Variants in DLGAP4 observed in about 807,000 individuals in gnomAD.
The protein encoded by DLGAP4 is disks large-associated protein 4.
DLGAP4 carries 18 observed loss-of-function variants against 86.9 expected under a neutral mutation model. That is an observed-to-expected ratio of 0.21 (90% CI 0.14 to 0.31). The LOEUF (loss-of-function observed/expected upper bound fraction) is 0.31. Among genes scored for constraint, DLGAP4 ranks in the 10% least tolerant of loss-of-function variants. The pLI, the probability that DLGAP4 is intolerant of heterozygous loss-of-function variation, is 1.00. For missense variants in DLGAP4, 1,085 were observed against 1,362.6 expected, an observed-to-expected ratio of 0.80 and a Z score of 3.21; for synonymous variants, 548 against 574.3, an observed-to-expected ratio of 0.95 and a Z score of 0.65.
At chr20:36,511,848 C>A (rs1311506116) in intron 10 of DLGAP4, among the ~76,000 whole-genome samples, 1 of 145,530 alleles carries the variant, frequency 6.9e-6, no homozygotes, top group Non-Finnish European at 1.5e-5. Flanking sequence ...GCGCTCCAGC[C>A]TGGGCGACAG....
chr20:36,363,188 G>A (rs59958893), intron 1 of DLGAP4, among the ~76,000 whole-genome samples: 5,066 of 152,260 alleles, frequency 0.033, 272 homozygotes, highest in African/African-American at 0.12. Context: ...GCACGTGCCT[G>A]GTATATTTGA....
rs1007273669 is a variant in DLGAP4 at position 36,527,270 on chromosome 20, T to G, written c.*239T>G. The G allele has an allele frequency of 2.4e-6, 1 of 416,404 alleles. No individual in the cohort carries two copies. Among genetic ancestry groups the G allele is most frequent in the African/African-American group, 2.0e-5 (1 of 49,704 alleles). The allele number at this position is 416,404 out of a possible 1,614,324, so 25.8% of individuals were successfully genotyped here. On this transcript the variant is annotated 3_prime_UTR_variant, in exon 13 of 13. Coordinates refer to ENST00000339266, the MANE Select transcript of DLGAP4 (RefSeq NM_001365621.2). ...AAAAATCACGAAACTAGAAAACTTT[T>G]TTTTTCCTCTTGCTGGCCGTGGTGG...
chr20:36,513,901 T>A (rs149336777), intron 10 of DLGAP4, among the ~76,000 whole-genome samples: 2 of 152,312 alleles, frequency 1.3e-5, no homozygotes, highest in East Asian at 3.9e-4. Flanking sequence ...AAATTTGATA[T>A]GCTTTGTTAG....
chr20:36,362,360 T>TGGTC (rs1415847148), intron 1 of DLGAP4, among the ~76,000 whole-genome samples: 1 of 152,172 alleles, frequency 6.6e-6, no homozygotes, highest in Non-Finnish European at 1.5e-5. Context: ...CCTGGCTTCT[T>TGGTC]GGTCGCCTGA....
intron 7 of DLGAP4, among the ~76,000 whole-genome samples, chr20:36,457,972 T>G (rs1047468876): frequency 6.6e-6 from 1 of 151,750 alleles, no homozygotes; most frequent in African/African-American, 2.4e-5. Flanking sequence ...TAAGCAGTGC[T>G]GGGAAGCGCT....
At chr20:36,509,510 G>A (rs1235683453) in intron 10 of DLGAP4, among the ~76,000 whole-genome samples, 1 of 151,906 alleles carries the variant, frequency 6.6e-6, no homozygotes, top group Non-Finnish European at 1.5e-5. Flanking sequence ...GGCAGAGGTT[G>A]CACTGAGCCG....
At chr20:36,476,155 A>C (rs929761436) in intron 7 of DLGAP4, among the ~76,000 whole-genome samples, 1 of 151,378 alleles carries the variant, frequency 6.6e-6, no homozygotes, top group Non-Finnish European at 1.5e-5. Context: ...GGCCCTTCTT[A>C]ACCATTTTTA....
chr20:36,525,686 A>G, intron 11 of DLGAP4, 165 bp from the exon 12 acceptor site: 1 of 905,452 alleles, frequency 1.1e-6, no homozygotes, highest in Non-Finnish European at 1.6e-6. Flanking sequence ...GGTGCTGACC[A>G]GAACTGGCTT....
At chr20:36,437,815 G>A (rs2033331082) in intron 4 of DLGAP4, among the ~76,000 whole-genome samples, 1 of 152,184 alleles carries the variant, frequency 6.6e-6, no homozygotes, top group Non-Finnish European at 1.5e-5. Flanking sequence ...CTAGTTGACT[G>A]GGCAGAAGAT....
chr20:36,513,911 G>C (rs1014483859), intron 10 of DLGAP4, among the ~76,000 whole-genome samples: 1 of 152,196 alleles, frequency 6.6e-6, no homozygotes, highest in African/African-American at 2.4e-5. Context: ...TGCTTTGTTA[G>C]ACATCAGAAT....
At chr20:36,519,459 C>A (rs2147848956) in intron 10 of DLGAP4, among the ~76,000 whole-genome samples, 1 of 152,262 alleles carries the variant, frequency 6.6e-6, no homozygotes, top group South Asian at 2.1e-4. Context: ...TGCATGTACA[C>A]ACAGATTTTC....
intron 2 of DLGAP4, among the ~76,000 whole-genome samples, chr20:36,401,429 C>A (rs1397916739): frequency 6.6e-6 from 1 of 152,200 alleles, no homozygotes; most frequent in South Asian, 2.1e-4. Flanking sequence ...GTCTTTGCCA[C>A]GTGCTGCTGC....
chr20:36,500,302 G>T lies in DLGAP4; in HGVS notation c.2203G>T (p.Asp735Tyr), dbSNP rs1600662719. 6.2e-7 allele frequency: 1 copy of T among 1,613,986 alleles called. No homozygotes were observed. The highest frequency in any genetic ancestry group is 8.5e-7 in the Non-Finnish European group (1 of 1,179,924). Reference protein sequence around the residue: ...SCKSSERSLPDCTPHPNSISI... With the variant: ...SCKSSERSLPYCTPHPNSISI... ...TAAGTCATCTGAGAGGAGCCTCCCG[G>T]ACTGTACCCCTCACCCCAACTCCAT... is the stretch of plus-strand genomic sequence containing the variant. The change falls in exon 10 of 13, where the codon GAC (aspartate) becomes TAC (tyrosine). Residue 735 changes from aspartate to tyrosine, a missense_variant. Physicochemically the swap from Asp to Tyr is radical, Grantham distance 160. Around this residue, in one of 2 missense-constraint regions of DLGAP4, gnomAD observed 1,082 missense variants for 1,344.1 expected, o/e 0.81. Transcript: ENST00000339266. This position sits in a 1 kb window ranked among gnomAD's most constrained non-coding sequence, Gnocchi z 4.6.
intron 6 of DLGAP4, 149 bp from the exon 7 acceptor site, chr20:36,446,548 C>T: frequency 1.4e-6 from 1 of 690,504 alleles, no homozygotes; most frequent in Non-Finnish European, 2.4e-6. Flanking sequence ...TCCATCTCCC[C>T]ATCCCATACG....
intron 2 of DLGAP4, among the ~76,000 whole-genome samples, chr20:36,409,905 G>GCCCATAC (rs2032447039): frequency 6.6e-6 from 1 of 151,242 alleles, no homozygotes; most frequent in South Asian, 2.1e-4. Flanking sequence ...ATGGTGGCGG[G>GCCCATAC]CGCCTATAGT....
chr20:36,375,553 A>C (rs914220009), intron 2 of DLGAP4, among the ~76,000 whole-genome samples: 1 of 152,208 alleles, frequency 6.6e-6, no homozygotes, highest in Admixed American at 6.5e-5. Flanking sequence ...TTCTCAATTC[A>C]GCCCAGGAGA....
At chr20:36,468,602 G>C (rs780613218) in intron 7 of DLGAP4, among the ~76,000 whole-genome samples, 1 of 152,380 alleles carries the variant, frequency 6.6e-6, no homozygotes, top group East Asian at 1.9e-4. Context: ...CACATGGCAG[G>C]CACAGCCTCC....
chr20:36,417,018 CT>C (rs2032674256), intron 2 of DLGAP4, among the ~76,000 whole-genome samples: 1 of 152,154 alleles, frequency 6.6e-6, no homozygotes, highest in Admixed American at 6.6e-5. Flanking sequence ...GGTCCCTCCC[CT>C]CTTGGAGCTC....
Position 36,393,579 on chromosome 20 carries a change from C to A in DLGAP4, c.-73+26304C>A, listed in dbSNP as rs547641174. On this transcript the variant is annotated intron_variant, in intron 2 of 12. Coordinates refer to ENST00000339266, the MANE Select transcript of DLGAP4 (RefSeq NM_001365621.2). This position sits in a 1 kb window ranked among gnomAD's most constrained non-coding sequence, Gnocchi z 4.4. ...CGAGCCCCTGGGGAGCACAGGGAAG[C>A]GAGCCAGCCGCTGTGGAGACTGACC... is the stretch of plus-strand genomic sequence containing the variant. 1.3e-5 allele frequency among the ~76,000 whole-genome samples: 2 copies of A among 152,066 alleles called. No individual in the cohort carries two copies.
Sources: gnomAD v4.1 joint callset for allele counts (sites outside exome capture counted in the v4.1 genomes callset) on GRCh38, gnomAD v4.1.1 for gene constraint, gnomAD v4.1.1 regional missense constraint, Gnocchi (gnomAD v3.1) non-coding constraint, MANE v1.5 for transcripts, NCBI Gene and HGNC (gene_info 2026-07-23, HGNC 2026-07-21) for gene names.